The following NMNAT3 variants were observed in gnomAD, a reference collection of about 807,000 sequenced individuals.
NMNAT3 encodes the protein nicotinamide/nicotinic acid mononucleotide adenylyltransferase 3.
Under a neutral mutation model 24.8 loss-of-function variants are expected in NMNAT3, and 21 were observed. The observed-to-expected ratio is 0.85, with a 90% confidence interval of 0.60 to 1.22. The LOEUF (loss-of-function observed/expected upper bound fraction) is 1.22, where lower values mean the gene tolerates loss of function less well. Ranked by LOEUF, NMNAT3 falls within the 50% of genes most tolerant of loss-of-function variation. The pLI is 0.00. For synonymous variants in NMNAT3, 136 were observed against 155.2 expected, an observed-to-expected ratio of 0.88 and a Z score of 0.92; for missense variants, 387 against 436.6, an observed-to-expected ratio of 0.89 and a Z score of 1.01.
At chr3:139,662,600 G>A (rs1393755674) in intron 1 of NMNAT3, among the ~76,000 whole-genome samples, 2 of 152,172 alleles carry the variant, frequency 1.3e-5, no homozygotes, top group Non-Finnish European at 2.9e-5. Flanking sequence ...TGGGCTCCTA[G>A]CTCCTGCTTC....
chr3:139,610,838 T>G (rs1352736647), intron 3 of NMNAT3, among the ~76,000 whole-genome samples: 1 of 152,218 alleles, frequency 6.6e-6, no homozygotes, highest in Admixed American at 6.5e-5. Flanking sequence ...GAATTCAAAT[T>G]AAAATCACCA....
chr3:139,573,547 A>G, intron 6 of NMNAT3, 51 bp downstream of exon 6: 1 of 1,167,640 alleles, frequency 8.6e-7, no homozygotes, highest in Non-Finnish European at 1.2e-6. Context: ...TTCAGTTCTC[A>G]CAGAATCCCT....
At chr3:139,638,370 C>T (rs1242941817) in intron 1 of NMNAT3, among the ~76,000 whole-genome samples, 1 of 152,208 alleles carries the variant, frequency 6.6e-6, no homozygotes, top group Admixed American at 6.5e-5. Context: ...AACCTGGGGT[C>T]CATCCCAAGG....
chr3:139,624,272 A>G (rs1262399592), intron 3 of NMNAT3, among the ~76,000 whole-genome samples: 1 of 152,082 alleles, frequency 6.6e-6, no homozygotes, highest in Non-Finnish European at 1.5e-5. Context: ...TTGAGTTCAA[A>G]ATGTTTTCTA....
At chr3:139,676,218 G>A (rs1378743611) in intron 1 of NMNAT3, among the ~76,000 whole-genome samples, 1 of 152,156 alleles carries the variant, frequency 6.6e-6, no homozygotes, top group African/African-American at 2.4e-5. Context: ...GGTTTTCATG[G>A]AGCACTTTCT....
chr3:139,560,699 C>T lies in NMNAT3; in HGVS notation c.*311G>A. ...TCAGAACTGCATTCAGCGTGCATGC[C>T]ATAATTACCATCCACACAAAATAAG... On this transcript the variant is annotated 3_prime_UTR_variant, in exon 7 of 7. Transcript: ENST00000643695. 1 of 318,876 alleles carries T rather than the reference C, an allele frequency of 3.1e-6. No individual in the cohort carries two copies. The highest frequency in any genetic ancestry group is 4.6e-5 in the Admixed American group (1 of 21,928). 19.8% of individuals were successfully genotyped at this position (318,876 alleles called of 1,614,324 possible). A position where few individuals can be genotyped will look rare whatever the true frequency, so the allele number is the denominator to read the frequency against.
chr3:139,575,917 C>G lies in NMNAT3; in HGVS notation c.576-2237G>C, dbSNP rs1178212369. 39 of 1,286,578 alleles carry G rather than the reference C, an allele frequency of 3.0e-5. No homozygotes were observed. The East Asian group carries it at 3.3e-4, about 11-fold the overall frequency. The allele number at this position is 1,286,578 out of a possible 1,614,324, so 79.7% of individuals were successfully genotyped here. ...GATGGCCATAAGCATGGCTTCAGAG[C>G]TCCACAGATGGGAGCTCCACGTCCT... is the stretch of plus-strand genomic sequence containing the variant. On this transcript the variant is annotated intron_variant, in intron 5 of 6. Transcript: ENST00000643695.
chr3:139,676,897 T>G (rs1228335209), intron 1 of NMNAT3, among the ~76,000 whole-genome samples: 1 of 152,216 alleles, frequency 6.6e-6, no homozygotes, highest in African/African-American at 2.4e-5. Flanking sequence ...GGATGTTTAG[T>G]GCAGAGTAAC....
At chr3:139,575,607 C>T in intron 5 of NMNAT3, 1 of 1,009,252 alleles carries the variant, frequency 9.9e-7, no homozygotes, top group Non-Finnish European at 1.2e-6. Context: ...TTCAGGTTGA[C>T]CCTACTTTGA....
At chr3:139,611,159 G>T (rs1451447678) in intron 3 of NMNAT3, among the ~76,000 whole-genome samples, 2 of 152,120 alleles carry the variant, frequency 1.3e-5, no homozygotes, top group Non-Finnish European at 2.9e-5. Flanking sequence ...ACATCATAAA[G>T]AATCAAGAAA....
At chr3:139,619,287 C>A (rs537286818) in intron 3 of NMNAT3, among the ~76,000 whole-genome samples, 1 of 152,266 alleles carries the variant, frequency 6.6e-6, no homozygotes, top group South Asian at 2.1e-4. Context: ...GTAGAAGAGT[C>A]CATTCTGAAC....
chr3:139,625,801 G>A (rs2056025193), intron 3 of NMNAT3, among the ~76,000 whole-genome samples: 2 of 152,122 alleles, frequency 1.3e-5, no homozygotes, highest in African/African-American at 2.4e-5. Flanking sequence ...TCTGCCTGAA[G>A]AATTTAGCAT....
At chr3:139,581,966 G>C (rs189863999) in intron 4 of NMNAT3, among the ~76,000 whole-genome samples, 3 of 150,554 alleles carry the variant, frequency 2.0e-5, no homozygotes, top group Admixed American at 1.3e-4. Context: ...AGGCCGGGGT[G>C]GGGGGATCAC....
intron 3 of NMNAT3, among the ~76,000 whole-genome samples, chr3:139,621,308 A>ATCCATATGTCTTCTTTGGTGAAGTG (rs1316498611): frequency 6.6e-6 from 1 of 152,142 alleles, no homozygotes; most frequent in Non-Finnish European, 1.5e-5. Flanking sequence ...CTAATATTTC[A>ATCCATATGTCTTCTTTGGTGAAGTG]TCCATATGTC....
chr3:139,619,360 T>C (rs1407703617), intron 3 of NMNAT3, among the ~76,000 whole-genome samples: 1 of 152,142 alleles, frequency 6.6e-6, no homozygotes, highest in Admixed American at 6.5e-5. Flanking sequence ...AGAGGGTGAT[T>C]GAGGTCATAT....
At position 139,620,545 on chromosome 3, in the gene NMNAT3, T is replaced by C. The variant is rs915562939; in HGVS notation, c.109+7071A>G. 1.1e-4 allele frequency among the ~76,000 whole-genome samples: 17 copies of C among 152,304 alleles called. No individual in the cohort carries two copies. In the East Asian group the frequency reaches 1.2e-3, roughly 10 times the overall value. ...ATTCCGTTGTATGCATAAACCACAA[T>C]CTGTTTAACTATTCACATGTTGATG... On this transcript the variant is annotated intron_variant, in intron 3 of 6. Coordinates refer to ENST00000643695, the MANE Select transcript of NMNAT3 (RefSeq NM_001320510.2).
At chr3:139,594,503 CA>C (rs1424921353) in intron 3 of NMNAT3, among the ~76,000 whole-genome samples, 7 of 152,034 alleles carry the variant, frequency 4.6e-5, no homozygotes, top group Non-Finnish European at 1.0e-4. Context: ...GACAGAGACA[CA>C]ACAAAAAAAG....
chr3:139,574,680 G>T (rs1939029563), intron 5 of NMNAT3, among the ~76,000 whole-genome samples: 1 of 152,090 alleles, frequency 6.6e-6, no homozygotes, highest in Non-Finnish European at 1.5e-5. Flanking sequence ...AGGCTTTTTT[G>T]CTGAATGACC....
chr3:139,572,376 A>C (rs1485981199), intron 6 of NMNAT3: 9 of 393,084 alleles, frequency 2.3e-5, no homozygotes, highest in Non-Finnish European at 2.7e-5. Flanking sequence ...AATACAATAA[A>C]CATTATATAA....
Sources: gnomAD v4.1 joint callset for allele counts (sites outside exome capture counted in the v4.1 genomes callset) on GRCh38, gnomAD v4.1.1 for gene constraint, MANE v1.5 for transcripts, NCBI Gene and HGNC (gene_info 2026-07-23, HGNC 2026-07-21) for gene names.